SLC44A1: variants seen among roughly 807,000 people sequenced by gnomAD.
SLC44A1 encodes the protein solute carrier family 44 member 1, also known as choline transporter-like protein 1.
A neutral mutation model predicts 79.3 loss-of-function variants in SLC44A1; 26 were observed. The ratio of observed to expected loss-of-function variants is 0.33; its 90% CI spans 0.24 to 0.46. SLC44A1 has a LOEUF of 0.46. Among genes scored for constraint, SLC44A1 ranks in the 20% least tolerant of loss-of-function variants. The pLI, the probability that SLC44A1 is intolerant of heterozygous loss-of-function variation, is 1.00. For missense variants in SLC44A1, 688 were observed against 798.1 expected (o/e 0.86, Z 1.66); for synonymous variants, 263 against 286.2 (o/e 0.92, Z 0.82).
chr9:105,260,147 G>T (rs528716675), intron 1 of SLC44A1, among the ~76,000 whole-genome samples: 36 of 152,226 alleles, frequency 2.4e-4, no homozygotes, highest in Non-Finnish European at 1.5e-4. Flanking sequence ...CCAAAAAAAG[G>T]GTTCTGAGGT....
rs183446167 is a variant in SLC44A1, at chr9:105,316,288, G to A, written c.269+6422G>A. ...GAAGGCCATGAGAAAGGTTACAATG[G>A]GAGGTCCTGGCCCGGTCTTAGATAC... On this transcript the variant is annotated intron_variant, in intron 3 of 15. Transcript: ENST00000374720. 3.6e-3 allele frequency among the ~76,000 whole-genome samples: 543 copies of A among 152,234 alleles called. 2 individuals are homozygous for A. The highest frequency in any genetic ancestry group is 5.6e-3 in the Non-Finnish European group (381 of 68,016).
chr9:105,262,358 A>G (rs1829861835), intron 1 of SLC44A1, among the ~76,000 whole-genome samples: 2 of 152,210 alleles, frequency 1.3e-5, no homozygotes, highest in Admixed American at 1.3e-4. Context: ...GAGTAAGAAA[A>G]TAACAAAGCT....
chr9:105,412,441 C>T lies in SLC44A1; in HGVS notation c.1951-25840C>T, dbSNP rs78229357. On this transcript the variant is annotated intron_variant, in intron 15 of 15. Transcript: ENST00000374724. ...TGTTCCAAGCTCATCTTATGCTTTCCTGGTTTCAACTCTGTAATCAGCCAA... is the reference window on the plus strand; with the variant it reads ...TGTTCCAAGCTCATCTTATGCTTTCTTGGTTTCAACTCTGTAATCAGCCAA... Among the ~76,000 whole-genome samples, 636 of 152,292 alleles carry T rather than the reference C, an allele frequency of 4.2e-3. 3 individuals are homozygous for T. The highest frequency in any genetic ancestry group is 7.3e-3 in the Non-Finnish European group (498 of 68,022).
intron 13 of SLC44A1, among the ~76,000 whole-genome samples, chr9:105,382,823 T>G (rs1356036800): frequency 6.6e-6 from 1 of 152,196 alleles, no homozygotes; most frequent in Admixed American, 6.5e-5. Flanking sequence ...ACATTTATCT[T>G]AAAAATTGCC....
intron 1 of SLC44A1, among the ~76,000 whole-genome samples, chr9:105,269,993 C>T (rs1830042255): frequency 6.6e-6 from 1 of 152,148 alleles, no homozygotes; most frequent in Non-Finnish European, 1.5e-5. Flanking sequence ...TGTTTATAGA[C>T]CAATATTGAA....
At chr9:105,429,478 T>C (rs1026060947) in intron 15 of SLC44A1, among the ~76,000 whole-genome samples, 1 of 152,088 alleles carries the variant, frequency 6.6e-6, no homozygotes, top group Non-Finnish European at 1.5e-5. Context: ...AATTTTTGAA[T>C]TTTCTGTAGA....
intron 1 of SLC44A1, among the ~76,000 whole-genome samples, chr9:105,264,984 C>T (rs914389089): frequency 1.5e-4 from 23 of 152,002 alleles, no homozygotes; most frequent in South Asian, 6.2e-4. Context: ...TTAGTAGAGA[C>T]GGGGTTTCTC....
At position 105,361,358 on chromosome 9, in the gene SLC44A1, G is replaced by A. The variant is rs78699416; in HGVS notation, c.900+28G>A. On this transcript the variant is annotated intron_variant, in intron 8 of 15. Coordinates refer to ENST00000374720, the MANE Select transcript of SLC44A1 (RefSeq NM_080546.5). Reference sequence around the variant, plus strand: ...GAGTTTAGGCTTTGGCGTGTCTTTCGGTTTTGTGTTTTTGTTTGCAGGAGA... The same window carrying A: ...GAGTTTAGGCTTTGGCGTGTCTTTCAGTTTTGTGTTTTTGTTTGCAGGAGA... The A allele has an allele frequency of 1.0e-4, 157 of 1,552,586 alleles. No individual in the cohort carries two copies. The East Asian group carries it at 1.2e-3, about 12-fold the overall frequency.
rs919751977 is a variant in SLC44A1 at position 105,244,682 on chromosome 9, G to A, written c.-187G>A. 3.5e-6 allele frequency: 1 copy of A among 288,654 alleles called. No homozygotes were observed. The highest frequency in any genetic ancestry group is 6.4e-6 in the Non-Finnish European group (1 of 157,266). The allele number at this position is 288,654 out of a possible 1,614,324, so 17.9% of individuals were successfully genotyped here. ...GTAGCCGCCGTCGCCGCCGCCGGGG[G>A]ATGTGGCCGGCGCCTGCCTCTAGCC... is the stretch of plus-strand genomic sequence containing the variant. On this transcript the variant is annotated 5_prime_UTR_variant, in exon 1 of 16. Coordinates refer to ENST00000374720, the MANE Select transcript of SLC44A1 (RefSeq NM_080546.5).
chr9:105,254,119 A>T (rs1588703119), intron 1 of SLC44A1, among the ~76,000 whole-genome samples: 1 of 152,212 alleles, frequency 6.6e-6, no homozygotes, highest in African/African-American at 2.4e-5. Flanking sequence ...ATTATCTCCT[A>T]TAGGTCAAGG....
intron 4 of SLC44A1, among the ~76,000 whole-genome samples, chr9:105,345,948 TTA>T (rs1229686044): frequency 2.0e-5 from 3 of 151,682 alleles, no homozygotes; most frequent in Admixed American, 2.0e-4. Flanking sequence ...GTCTTACTGG[TTA>T]TATCCAAACC....
intron 1 of SLC44A1, among the ~76,000 whole-genome samples, chr9:105,278,283 C>G (rs1830260156): frequency 6.6e-6 from 1 of 151,942 alleles, no homozygotes; most frequent in Non-Finnish European, 1.5e-5. Context: ...TAGTCTCGCT[C>G]TGTCACCCAG....
intron 4 of SLC44A1, among the ~76,000 whole-genome samples, chr9:105,344,503 C>A (rs943908647): frequency 3.3e-5 from 5 of 152,088 alleles, no homozygotes; most frequent in Admixed American, 1.3e-4. Flanking sequence ...CAAGAATTGT[C>A]CAGCACAAAA....
intron 1 of SLC44A1, 96 bp downstream of exon 1, chr9:105,245,000 C>A: frequency 2.1e-6 from 1 of 487,026 alleles, no homozygotes; most frequent in Non-Finnish European, 3.0e-6. Flanking sequence ...TCGCTGTCCC[C>A]AGCCTCCCCT....
intron 4 of SLC44A1, among the ~76,000 whole-genome samples, chr9:105,347,873 A>G (rs1037446688): frequency 6.6e-6 from 1 of 152,090 alleles, no homozygotes; most frequent in South Asian, 2.1e-4. Flanking sequence ...AATTGAAAGC[A>G]TAGGAAAAAC....
At chr9:105,278,871 A>T (rs1369278667) in intron 1 of SLC44A1, among the ~76,000 whole-genome samples, 1 of 152,170 alleles carries the variant, frequency 6.6e-6, no homozygotes, top group East Asian at 1.9e-4. Context: ...TCATGAGAAA[A>T]CTTGTCTATG....
chr9:105,328,101 CTG>C (rs1383338046), intron 3 of SLC44A1, among the ~76,000 whole-genome samples: 5 of 152,218 alleles, frequency 3.3e-5, no homozygotes, highest in African/African-American at 1.2e-4. Flanking sequence ...TAATTACCAT[CTG>C]TTTATTAATT....
intron 15 of SLC44A1, among the ~76,000 whole-genome samples, chr9:105,387,056 A>T (rs1251975811): frequency 0.27 from 595 of 2,206 alleles, 12 homozygotes; most frequent in African/African-American, 0.41. Context: ...AAAAAAAAAA[A>T]AAAAATATAT....
intron 15 of SLC44A1, among the ~76,000 whole-genome samples, chr9:105,417,610 T>C (rs1472020545): frequency 6.6e-6 from 1 of 152,200 alleles, no homozygotes; most frequent in Non-Finnish European, 1.5e-5. Context: ...AGTGTGATTA[T>C]ATCCTGAAAC....
Sources: allele counts gnomAD v4.1 joint callset (sites outside exome capture counted in the v4.1 genomes callset), GRCh38; gene constraint gnomAD v4.1.1; transcripts MANE v1.5; gene names NCBI Gene and HGNC (gene_info 2026-07-23, HGNC 2026-07-21).